The following WAPL variants were observed in gnomAD, a reference collection of about 807,000 sequenced individuals.
WAPL encodes WAPL cohesin release factor, also known as wings apart-like protein homolog.
Under a neutral mutation model 121.0 loss-of-function variants are expected in WAPL, and 5 were observed. The ratio of observed to expected loss-of-function variants is 0.04; its 90% CI spans 0.02 to 0.09. WAPL has a LOEUF of 0.09. Ranked by LOEUF, WAPL falls within the 10% of genes least tolerant of loss-of-function variation. The probability of loss-of-function intolerance (pLI) is 1.00; values close to 1 mark genes in which losing one functional copy is unlikely to be tolerated. For synonymous variants in WAPL, 480 were observed against 481.5 expected (o/e 1.00, Z 0.04); for missense variants, 999 against 1,410.8 (o/e 0.71, Z 4.68).
chr10:86,489,115 A>G (rs1841985271), intron 4 of WAPL, among the ~76,000 whole-genome samples: 1 of 152,234 alleles, frequency 6.6e-6, no homozygotes, highest in African/African-American at 2.4e-5. Context: ...GAGGGACATT[A>G]GACAAAATAA....
At chr10:86,447,323 G>A (rs1849647290) in intron 15 of WAPL, among the ~76,000 whole-genome samples, 2 of 152,232 alleles carry the variant, frequency 1.3e-5, no homozygotes, top group South Asian at 4.1e-4. Flanking sequence ...TGTATTAGAA[G>A]AGAATGATGG....
At chr10:86,506,591 C>T (rs1168209818) in intron 2 of WAPL, among the ~76,000 whole-genome samples, 1 of 152,038 alleles carries the variant, frequency 6.6e-6, no homozygotes, top group East Asian at 1.9e-4. Flanking sequence ...AGTCAGAGAC[C>T]AGCCTAGGCA....
At position 86,435,652 on chromosome 10, in the gene WAPL, T is replaced by TA. The variant is rs1196026332; in HGVS notation, c.*1890dup. 3.3e-5 allele frequency: 5 copies of TA among 152,464 alleles called. No homozygotes were observed. Among genetic ancestry groups the TA allele is most frequent in the African/African-American group, 1.2e-4 (5 of 41,392 alleles). 9.4% of individuals were successfully genotyped at this position (152,464 alleles called of 1,614,324 possible). On this transcript the variant is annotated 3_prime_UTR_variant, in exon 19 of 19. Transcript: ENST00000298767. ...CAGTGCTCGACAATTAGTTATTATT[T>TA]AAAAAACAAAACAAAACAAAAAACT... is the stretch of plus-strand genomic sequence containing the variant.
At chr10:86,455,581 C>A (rs1168474632) in intron 12 of WAPL, among the ~76,000 whole-genome samples, 2 of 151,072 alleles carry the variant, frequency 1.3e-5, no homozygotes, top group Non-Finnish European at 2.9e-5. Context: ...AAACCAGAGA[C>A]CCTTGTTCAC....
chr10:86,464,679 C>G (rs1257304763), intron 9 of WAPL, among the ~76,000 whole-genome samples: 3 of 152,106 alleles, frequency 2.0e-5, no homozygotes, highest in African/African-American at 7.2e-5. Flanking sequence ...ACTAAAAATA[C>G]AAGAAAATTA....
At chr10:86,507,471 C>T (rs1179590193) in intron 2 of WAPL, among the ~76,000 whole-genome samples, 2 of 151,620 alleles carry the variant, frequency 1.3e-5, no homozygotes, top group Non-Finnish European at 2.9e-5. Context: ...CTTATTCAAC[C>T]TCTTATTCAC....
At position 86,438,096 on chromosome 10, in the gene WAPL, A is replaced by G. The variant is rs919084325; in HGVS notation, c.3412-81T>C. 8 of 1,068,258 alleles carry G rather than the reference A, an allele frequency of 7.5e-6. No homozygotes were observed. The Admixed American group carries it at 8.3e-5, about 11-fold the overall frequency. 66.2% of individuals were successfully genotyped at this position (1,068,258 alleles called of 1,614,324 possible). A position where few individuals can be genotyped will look rare whatever the true frequency, so the allele number is the denominator to read the frequency against. On this transcript the variant is annotated intron_variant, in intron 17 of 18. Transcript: ENST00000298767. ...CTCGTACAATGTTGTTGGTTTTGAC[A>G]CACATCTTGGTGCAAATTTTTAAGA...
rs763905972 is a variant in WAPL, at chr10:86,467,312, T to C, written c.2337A>G (p.Val779=). Residue 779 remains valine, a synonymous_variant, in exon 9 of 19, where the codon GTA becomes GTG. Transcript: ENST00000298767. ...KEKIRRLCET[V]HNKHLDLENI... is the part of the protein sequence containing the mutation. ...TTTCTAGATCAAGATGCTTGTTGTG[T>C]ACAGTTTCACAGAGCCTTCGGATTT... 6.2e-7 allele frequency: 1 copy of C among 1,614,118 alleles called. No homozygotes were observed. Among genetic ancestry groups the C allele is most frequent in the South Asian group, 1.1e-5 (1 of 91,074 alleles).
At chr10:86,517,298 G>A (rs1842573709) in intron 2 of WAPL, among the ~76,000 whole-genome samples, 1 of 152,132 alleles carries the variant, frequency 6.6e-6, no homozygotes, top group Non-Finnish European at 1.5e-5. Flanking sequence ...AACAAAAAGA[G>A]ATATTTCTTA....
At chr10:86,445,493 A>C (rs1849586106) in intron 16 of WAPL, among the ~76,000 whole-genome samples, 1 of 151,970 alleles carries the variant, frequency 6.6e-6, no homozygotes, top group African/African-American at 2.4e-5. Context: ...GATACTCAAT[A>C]ATGTATGATT....
At chr10:86,521,343 G>A in intron 1 of WAPL, 22 bp downstream of exon 1, 1 of 261,560 alleles carries the variant, frequency 3.8e-6, no homozygotes, top group Non-Finnish European at 7.5e-6. Flanking sequence ...CGGCCTAGGC[G>A]GCCGCCCGAC....
At chr10:86,510,469 C>CT (rs1360664855) in intron 2 of WAPL, among the ~76,000 whole-genome samples, 2 of 152,174 alleles carry the variant, frequency 1.3e-5, no homozygotes, top group African/African-American at 4.8e-5. Context: ...GAAGCTAGTT[C>CT]TTTATCATGA....
At chr10:86,463,909 A>C (rs1056948189) in intron 9 of WAPL, among the ~76,000 whole-genome samples, 1 of 152,202 alleles carries the variant, frequency 6.6e-6, no homozygotes, top group Non-Finnish European at 1.5e-5. Context: ...TTGCATCCTA[A>C]AAGCAACAGG....
chr10:86,438,502 C>A (rs1849382897), intron 17 of WAPL, among the ~76,000 whole-genome samples: 6 of 152,198 alleles, frequency 3.9e-5, no homozygotes, highest in Admixed American at 3.3e-4. Flanking sequence ...AATCCACGCA[C>A]CTTGGCCTCC....
intron 8 of WAPL, among the ~76,000 whole-genome samples, chr10:86,469,931 T>A (rs930286947): frequency 1.3e-5 from 2 of 152,176 alleles, no homozygotes; most frequent in African/African-American, 2.4e-5. Flanking sequence ...CTCACTAGGT[T>A]TCCCAAAATG....
Position 86,472,270 on chromosome 10 carries a change from A to G in WAPL, c.1968T>C (p.Asp656=). 6.2e-7 allele frequency: 1 copy of G among 1,609,184 alleles called. No homozygotes were observed. The highest frequency in any genetic ancestry group is 8.5e-7 in the Non-Finnish European group (1 of 1,178,978). Residue 656 remains aspartate, a synonymous_variant, in exon 7 of 19, where the codon GAT becomes GAC. Coordinates refer to ENST00000298767, the MANE Select transcript of WAPL (RefSeq NM_015045.5). The surrounding 1 kb of genome is among the most constrained non-coding windows in gnomAD (Gnocchi z 4.2). ...VEFGENQEFT[D]DIEYLLSGLK... is the part of the protein sequence containing the mutation. ...AGCCACTTAACAAGTACTCAATGTC[A>G]TCAGTGAACTCTTGATTTTCACCAA...
At chr10:86,440,190 G>T (rs1849426652) in intron 17 of WAPL, among the ~76,000 whole-genome samples, 1 of 152,082 alleles carries the variant, frequency 6.6e-6, no homozygotes, top group Non-Finnish European at 1.5e-5. Context: ...ACAATTTCAA[G>T]AACGATTATG....
At chr10:86,484,767 T>C (rs971810703) in intron 4 of WAPL, among the ~76,000 whole-genome samples, 3 of 152,178 alleles carry the variant, frequency 2.0e-5, no homozygotes, top group African/African-American at 4.8e-5. Context: ...TACTTACCAC[T>C]GTGTTACAAC....
At chr10:86,490,119 CAGG>C (rs1842013871) in intron 4 of WAPL, among the ~76,000 whole-genome samples, 2 of 151,606 alleles carry the variant, frequency 1.3e-5, no homozygotes, top group Admixed American at 1.3e-4. Context: ...GAGGCCGAGG[CAGG>C]AGAATTGCTT....
Sources: gnomAD v4.1 joint callset for allele counts (sites outside exome capture counted in the v4.1 genomes callset) on GRCh38, gnomAD v4.1.1 for gene constraint, Gnocchi (gnomAD v3.1) non-coding constraint, MANE v1.5 for transcripts, NCBI Gene and HGNC (gene_info 2026-07-23, HGNC 2026-07-21) for gene names.